LIFR: variants seen among roughly 807,000 people sequenced by gnomAD.
LIFR encodes LIF receptor subunit alpha.
LIFR carries 84 observed loss-of-function variants against 122.2 expected under a neutral mutation model. The observed-to-expected ratio is 0.69, with a 90% confidence interval of 0.58 to 0.82. LIFR has a LOEUF of 0.82. Among genes scored for constraint, LIFR ranks in the 40% least tolerant of loss-of-function variants. The pLI, the probability that LIFR is intolerant of heterozygous loss-of-function variation, is 0.00. For synonymous variants in LIFR, 422 were observed against 434.7 expected (o/e 0.97, Z 0.36); for missense variants, 1,294 against 1,311.6 (o/e 0.99, Z 0.21).
chr5:38,512,012 T>A (rs560051382), intron 5 of LIFR, 48 bp from the exon 6 acceptor site: 1 of 1,585,080 alleles, frequency 6.3e-7, no homozygotes, highest in African/African-American at 1.3e-5. Flanking sequence ...TAGCAATATG[T>A]TTTGCTTTCC....
intron 1 of LIFR, among the ~76,000 whole-genome samples, chr5:38,592,337 A>G (rs1396092370): frequency 2.0e-5 from 3 of 152,204 alleles, no homozygotes; most frequent in Non-Finnish European, 4.4e-5. Context: ...AACATCAACT[A>G]GCTTCATAAA....
At chr5:38,592,867 G>C (rs1749973385) in intron 1 of LIFR, among the ~76,000 whole-genome samples, 1 of 152,046 alleles carries the variant, frequency 6.6e-6, no homozygotes, top group South Asian at 2.1e-4. Context: ...CAGCAATGGG[G>C]TCAGGAACAA....
At chr5:38,490,078 A>G (rs1744499058) in intron 15 of LIFR, 112 bp downstream of exon 15, 1 of 455,442 alleles carries the variant, frequency 2.2e-6, no homozygotes, top group Admixed American at 3.6e-5. Flanking sequence ...AAATTATTTT[A>G]CCTTCCTTCA....
At chr5:38,498,866 TCA>T (rs1485701033) in intron 12 of LIFR, among the ~76,000 whole-genome samples, 1 of 152,168 alleles carries the variant, frequency 6.6e-6, no homozygotes, top group Non-Finnish European at 1.5e-5. Flanking sequence ...TGTATCGACG[TCA>T]AAAGTTTTTT....
chr5:38,500,480 G>A (rs1745120327), intron 11 of LIFR, among the ~76,000 whole-genome samples: 1 of 152,190 alleles, frequency 6.6e-6, no homozygotes, highest in South Asian at 2.1e-4. Flanking sequence ...CACACAGCCT[G>A]AAGGTAATTT....
intron 1 of LIFR, among the ~76,000 whole-genome samples, chr5:38,586,003 C>T (rs768625266): frequency 2.0e-5 from 3 of 152,002 alleles, no homozygotes; most frequent in Non-Finnish European, 2.9e-5. Flanking sequence ...GCAACTAAGC[C>T]GAGTGTAGCA....
chr5:38,502,658 G>T lies in LIFR; in HGVS notation c.1579C>A (p.Gln527Lys). 1 of 1,613,064 alleles carries T rather than the reference G, an allele frequency of 6.2e-7. No homozygotes were observed. The highest frequency in any genetic ancestry group is 8.5e-7 in the Non-Finnish European group (1 of 1,179,294). ...WKWSKWSNKKQHLTTEASPSK... is the reference protein window; with the variant it reads ...WKWSKWSNKKKHLTTEASPSK... ...TTACTGGCTTCTGTTGTTAAATGTT[G>T]TTTTTTATTGCTCCATTTGCTCCAT... Residue 527 changes from glutamine (Q) to lysine (K), a missense_variant, in exon 11 of 20, where the codon CAA (glutamine) becomes AAA (lysine). Gln to Lys is a moderately conservative substitution (Grantham distance 53, BLOSUM62 1). Coordinates refer to ENST00000453190, the MANE Select transcript of LIFR (RefSeq NM_001127671.2).
At chr5:38,549,932 C>T (rs1336303452) in intron 1 of LIFR, among the ~76,000 whole-genome samples, 1 of 152,126 alleles carries the variant, frequency 6.6e-6, no homozygotes, top group Non-Finnish European at 1.5e-5. Flanking sequence ...GATTTTGGTA[C>T]ATCCCAGTAA....
chr5:38,512,471 T>A (rs1040432630), intron 5 of LIFR, among the ~76,000 whole-genome samples: 3 of 150,630 alleles, frequency 2.0e-5, no homozygotes, highest in African/African-American at 4.9e-5. Context: ...AATAAAAAAA[T>A]AAAAAATAAA....
At chr5:38,533,321 T>C (rs749455832) in intron 1 of LIFR, among the ~76,000 whole-genome samples, 1 of 152,186 alleles carries the variant, frequency 6.6e-6, no homozygotes, top group Non-Finnish European at 1.5e-5. Context: ...TGTAAGACTG[T>C]TGAATGGAAA....
chr5:38,547,920 G>C (rs1747986827), intron 1 of LIFR, among the ~76,000 whole-genome samples: 1 of 152,030 alleles, frequency 6.6e-6, no homozygotes, highest in African/African-American at 2.4e-5. Context: ...AAGTATTTGG[G>C]TATCTAAACA....
At chr5:38,507,093 CATT>C (rs1428862881) in intron 7 of LIFR, among the ~76,000 whole-genome samples, 1 of 152,090 alleles carries the variant, frequency 6.6e-6, no homozygotes, top group Non-Finnish European at 1.5e-5. Flanking sequence ...TTCTAAAATA[CATT>C]ATAAGTACTG....
At chr5:38,598,855 C>T (rs1750172406), upstream of LIFR, among the ~76,000 whole-genome samples, 1 of 152,208 alleles carries the variant, frequency 6.6e-6, no homozygotes, top group Non-Finnish European at 1.5e-5. Flanking sequence ...CTATGCCTAG[C>T]ACAATGCCTG....
At position 38,476,490 on chromosome 5, in the gene LIFR, T is replaced by C; in HGVS notation, c.*5105A>G. ...ATCACGTGTGCAAAGTATTTTAGTC[T>C]TAAGGGCAACACATAGGATCTATGT... On this transcript the variant is annotated 3_prime_UTR_variant, in exon 20 of 20. Coordinates refer to ENST00000453190, the MANE Select transcript of LIFR (RefSeq NM_001127671.2). The C allele has an allele frequency of 4.8e-6, 1 of 209,918 alleles. No individual in the cohort carries two copies. The highest frequency in any genetic ancestry group is 7.1e-5 in the East Asian group (1 of 14,074). 13.0% of individuals were successfully genotyped at this position (209,918 alleles called of 1,614,324 possible).
At position 38,482,013 on chromosome 5, in the gene LIFR, G is replaced by A; in HGVS notation, c.2876C>T (p.Pro959Leu). 6.2e-7 allele frequency: 1 copy of A among 1,614,040 alleles called. No individual in the cohort carries two copies. Among genetic ancestry groups the A allele is most frequent in the South Asian group, 1.1e-5 (1 of 91,044 alleles). ...TCCAGCTTCATCTGCGGCTGGGTTT[G>A]GTATTTCTTCCTCAATGATGGGTGG... ...YCPPIIEEEI[P>L]NPAADEAGGT... Residue 959 changes from proline (P) to leucine (L), a missense_variant, in exon 20 of 20, where the codon CCA becomes CTA. By Grantham distance (98) the Pro-to-Leu change is moderately conservative. Coordinates refer to ENST00000453190, the MANE Select transcript of LIFR (RefSeq NM_001127671.2).
At chr5:38,554,521 GAGTACTCAGC>G (rs781556977) in intron 1 of LIFR, among the ~76,000 whole-genome samples, 2 of 152,140 alleles carry the variant, frequency 1.3e-5, no homozygotes, top group African/African-American at 2.4e-5. Flanking sequence ...ATCCCTAATG[GAGTACTCAGC>G]AGCTGTTAGA....
intron 12 of LIFR, 134 bp from the exon 13 acceptor site, chr5:38,496,729 C>A (rs1218571256): frequency 5.6e-6 from 4 of 717,514 alleles, no homozygotes; most frequent in Non-Finnish European, 1.0e-5. Context: ...GCTTATAATT[C>A]CAGCACTTAG....
At chr5:38,513,249 C>T (rs1745900370) in intron 5 of LIFR, among the ~76,000 whole-genome samples, 1 of 152,066 alleles carries the variant, frequency 6.6e-6, no homozygotes, top group Non-Finnish European at 1.5e-5. Flanking sequence ...ATGTAGAAGA[C>T]CTGAGAAAAC....
At chr5:38,584,624 A>G (rs1749689686) in intron 1 of LIFR, among the ~76,000 whole-genome samples, 1 of 152,166 alleles carries the variant, frequency 6.6e-6, no homozygotes, top group Non-Finnish European at 1.5e-5. Flanking sequence ...AAAAAAAAAT[A>G]GTGCAAGACC....
Sources: gnomAD v4.1 joint callset for allele counts (sites outside exome capture counted in the v4.1 genomes callset) on GRCh38, gnomAD v4.1.1 for gene constraint, MANE v1.5 for transcripts, NCBI Gene and HGNC (gene_info 2026-07-23, HGNC 2026-07-21) for gene names.